GMEB1: variants seen among roughly 807,000 people sequenced by gnomAD.
GMEB1 encodes glucocorticoid modulatory element-binding protein 1.
GMEB1 carries 6 observed loss-of-function variants against 52.4 expected under a neutral mutation model. The ratio of observed to expected loss-of-function variants is 0.11; its 90% CI spans 0.06 to 0.23. The LOEUF is 0.23. Ranked by LOEUF, GMEB1 falls within the 10% of genes least tolerant of loss-of-function variation. The pLI, the probability that GMEB1 is intolerant of heterozygous loss-of-function variation, is 1.00. For missense variants in GMEB1, 486 were observed against 685.6 expected (o/e 0.71, Z 3.25); for synonymous variants, 255 against 244.9 (o/e 1.04, Z -0.38).
At position 28,672,487 on chromosome 1, in the gene GMEB1, T is replaced by G. The variant is rs565818086; in HGVS notation, c.-31+3648T>G. ...ATCCGCCCGCCTCAGCCTCCCAAAG[T>G]GCTGGGATTACAGGCTTGAGCCACC... On this transcript the variant is annotated intron_variant, in intron 1 of 9. Coordinates refer to ENST00000373816, the MANE Select transcript of GMEB1 (RefSeq NM_001319674.2). 3.8e-3 allele frequency among the ~76,000 whole-genome samples: 577 copies of G among 151,594 alleles called. 4 individuals are homozygous for G. The highest frequency in any genetic ancestry group is 0.013 in the African/African-American group (524 of 41,388).
chr1:28,679,265 C>T (rs1286592276), intron 1 of GMEB1, among the ~76,000 whole-genome samples: 3 of 152,012 alleles, frequency 2.0e-5, no homozygotes, highest in Non-Finnish European at 4.4e-5. Flanking sequence ...GCAACCTCCA[C>T]CTCCTGGGTT....
intron 5 of GMEB1, among the ~76,000 whole-genome samples, chr1:28,695,749 T>TA (rs1670171048): frequency 6.9e-6 from 1 of 144,990 alleles, no homozygotes; most frequent in Non-Finnish European, 1.5e-5. Flanking sequence ...CCATCCCGGC[T>TA]AAAACGGTGA....
At chr1:28,685,017 T>G (rs1368533810) in intron 2 of GMEB1, among the ~76,000 whole-genome samples, 2 of 152,126 alleles carry the variant, frequency 1.3e-5, no homozygotes, top group East Asian at 3.9e-4. Context: ...TCAGTTTATC[T>G]GCACTATTTA....
At chr1:28,695,931 T>A (rs1570413896) in intron 5 of GMEB1, among the ~76,000 whole-genome samples, 2 of 65,466 alleles carry the variant, frequency 3.1e-5, no homozygotes, top group African/African-American at 6.7e-5. Flanking sequence ...AGAGCGAGAC[T>A]CCGTCTCAAA....
intron 1 of GMEB1, among the ~76,000 whole-genome samples, chr1:28,672,261 C>T (rs1260910103): frequency 1.4e-5 from 2 of 147,660 alleles, no homozygotes; most frequent in Non-Finnish European, 3.0e-5. Context: ...CACTCTGTCG[C>T]CCAGGCTGGA....
intron 1 of GMEB1, among the ~76,000 whole-genome samples, chr1:28,681,155 G>C (rs901706228): frequency 6.6e-6 from 1 of 152,182 alleles, no homozygotes; most frequent in African/African-American, 2.4e-5. Flanking sequence ...TGCAGGTGCT[G>C]AGAGATCAAG....
In GMEB1 at chr1:28,716,200, C is replaced by T. The variant is rs1167880613; in HGVS notation, c.*1427C>T. The T allele has an allele frequency of 6.6e-6, 1 of 152,244 alleles. No homozygotes were observed. The highest frequency in any genetic ancestry group is 2.4e-5 in the African/African-American group (1 of 41,448). 9.4% of individuals were successfully genotyped at this position (152,244 alleles called of 1,614,324 possible). ...CACACTTTGTCAAAGCACTCACCCT[C>T]CTAAGCTAGGACCAGTCCATTCATT... On this transcript the variant is annotated 3_prime_UTR_variant, in exon 10 of 10. Transcript: ENST00000373816.
chr1:28,683,875 A>G, intron 2 of GMEB1, 135 bp downstream of exon 2: 1 of 748,514 alleles, frequency 1.3e-6, no homozygotes, highest in East Asian at 2.9e-5. Context: ...CATCTGTATA[A>G]TATACTGTAT....
intron 1 of GMEB1, among the ~76,000 whole-genome samples, chr1:28,672,780 G>GC (rs1668958068): frequency 8.2e-6 from 1 of 122,502 alleles, no homozygotes; most frequent in African/African-American, 3.0e-5. Context: ...TCGCTCTGTT[G>GC]CCAGGCTGGA....
chr1:28,681,300 A>C (rs2124473741), intron 1 of GMEB1, among the ~76,000 whole-genome samples: 1 of 152,100 alleles, frequency 6.6e-6, no homozygotes, highest in South Asian at 2.1e-4. Flanking sequence ...CCTGGGAGGC[A>C]GAGGTTGCAG....
chr1:28,671,611 C>G (rs1034522575), intron 1 of GMEB1, among the ~76,000 whole-genome samples: 7 of 151,182 alleles, frequency 4.6e-5, no homozygotes, highest in African/African-American at 1.7e-4. Flanking sequence ...CGTGGTGGAG[C>G]TAGTTGCCTG....
chr1:28,679,422 C>T (rs765103808), intron 1 of GMEB1, among the ~76,000 whole-genome samples: 4 of 152,194 alleles, frequency 2.6e-5, no homozygotes, highest in Non-Finnish European at 4.4e-5. Flanking sequence ...AAGTGATCCA[C>T]CGGTCTTGGC....
chr1:28,683,509 G>A (rs768880628), intron 1 of GMEB1, 74 bp from the exon 2 acceptor site: 20 of 1,286,260 alleles, frequency 1.6e-5, no homozygotes, highest in African/African-American at 3.0e-5. Context: ...GATTCCAGGC[G>A]TGAGCCACCA....
At chr1:28,700,541 T>TGTGCATGGTG (rs1364560107) in intron 6 of GMEB1, among the ~76,000 whole-genome samples, 8 of 148,236 alleles carry the variant, frequency 5.4e-5, no homozygotes, top group African/African-American at 2.0e-4. Context: ...AAAAATTAGC[T>TGTGCATGGTG]GTGCATGGTG....
At position 28,691,619 on chromosome 1, in the gene GMEB1, A is replaced by T. The variant is rs1303485660; in HGVS notation, c.246A>T (p.Glu82Asp). ...TGTIEANEDMEIAYPITCGES... is the reference protein window; with the variant it reads ...TGTIEANEDMDIAYPITCGES... ...CTATAGAAGCAAATGAGGATATGGA[A>T]ATTGCTTACCCCATAACTTGTGGGG... The change falls in exon 4 of 10, where the codon GAA (glutamate) becomes GAT (aspartate). Residue 82 changes from glutamate to aspartate, a missense_variant. Glu to Asp is a conservative substitution (Grantham distance 45). This residue lies in a region of GMEB1 where 43 missense variants were observed against 117.5 expected (regional missense o/e 0.37). Coordinates refer to ENST00000373816, the MANE Select transcript of GMEB1 (RefSeq NM_001319674.2). The T allele has an allele frequency of 6.4e-7, 1 of 1,571,858 alleles. No individual in the cohort carries two copies. Among genetic ancestry groups the T allele is most frequent in the Non-Finnish European group, 8.7e-7 (1 of 1,151,422 alleles).
At chr1:28,669,781 C>G (rs1668798988) in intron 1 of GMEB1, among the ~76,000 whole-genome samples, 1 of 152,028 alleles carries the variant, frequency 6.6e-6, no homozygotes, top group Non-Finnish European at 1.5e-5. Context: ...AAGCAGAGAT[C>G]GTTGAGGAAA....
chr1:28,670,320 T>TTTGTTGTTG (rs573305729), intron 1 of GMEB1, among the ~76,000 whole-genome samples: 2 of 150,780 alleles, frequency 1.3e-5, no homozygotes, highest in African/African-American at 2.4e-5. Flanking sequence ...ACCAGCCAAT[T>TTTGTTGTTG]TTGTTGTTGT....
chr1:28,714,340 G>C lies in GMEB1; in HGVS notation c.1259G>C (p.Gly420Ala), dbSNP rs765141465. 5.6e-6 allele frequency: 9 copies of C among 1,614,172 alleles called. No homozygotes were observed. The highest frequency in any genetic ancestry group is 1.3e-5 in the African/African-American group (1 of 75,034). The part of the protein sequence containing the change: ...GNIPVATLSQ[G>A]SSPVTVHTLP... ...ATTCCAGTGGCCACCCTCAGCCAGGGCTCCAGTCCTGTGACTGTCCACACA... is the reference window on the plus strand; with the variant it reads ...ATTCCAGTGGCCACCCTCAGCCAGGCCTCCAGTCCTGTGACTGTCCACACA... The change falls in exon 10 of 10, where the codon GGC becomes GCC. Residue 420 changes from glycine (G) to alanine (A), a missense_variant. Transcript: ENST00000373816.
rs916113189 is a variant in GMEB1 at position 28,693,939 on chromosome 1, T to A, written c.440+894T>A. On this transcript the variant is annotated intron_variant, in intron 5 of 9. Coordinates refer to ENST00000373816, the MANE Select transcript of GMEB1 (RefSeq NM_001319674.2). ...ATGTAAAAATTATAGTCTGCTTTAA[T>A]ATATAGTCAAAAGACTTCTAAAGTC... Among the ~76,000 whole-genome samples the A allele has an allele frequency of 3.9e-5, 6 of 152,230 alleles. No homozygotes were observed. The Middle Eastern group carries it at 0.02, about 518-fold the overall frequency.
Sources: allele counts gnomAD v4.1 joint callset (sites outside exome capture counted in the v4.1 genomes callset), GRCh38; gene constraint gnomAD v4.1.1; regional missense constraint gnomAD v4.1.1; transcripts MANE v1.5; gene names NCBI Gene and HGNC (gene_info 2026-07-23, HGNC 2026-07-21).